The following LRRTM4 variants were observed in gnomAD, a reference collection of about 807,000 sequenced individuals.
The protein encoded by LRRTM4 is leucine rich repeat transmembrane neuronal 4, also known as leucine-rich repeat transmembrane neuronal protein 4.
LRRTM4 carries 25 observed loss-of-function variants against 47.6 expected under a neutral mutation model. That is an observed-to-expected ratio of 0.53 (90% CI 0.38 to 0.73). The LOEUF (loss-of-function observed/expected upper bound fraction) is 0.73. Ranked by LOEUF, LRRTM4 falls within the 30% of genes least tolerant of loss-of-function variation. The pLI, the probability that LRRTM4 is intolerant of heterozygous loss-of-function variation, is 0.00. For missense variants in LRRTM4, 638 were observed against 713.4 expected, an observed-to-expected ratio of 0.89 and a Z score of 1.20; for synonymous variants, 311 against 269.5, an observed-to-expected ratio of 1.15 and a Z score of -1.51.
At chr2:76,812,412 G>T (rs1410805720) in intron 3 of LRRTM4, among the ~76,000 whole-genome samples, 1 of 152,298 alleles carries the variant, frequency 6.6e-6, no homozygotes, top group East Asian at 1.9e-4. Context: ...AATGCTGATA[G>T]GTGTAATGGC....
At chr2:77,429,129 A>C (rs1322924135) in intron 3 of LRRTM4, among the ~76,000 whole-genome samples, 2 of 152,204 alleles carry the variant, frequency 1.3e-5, no homozygotes, top group African/African-American at 4.8e-5. Context: ...GTGGGAGTAA[A>C]GTGCAGGAAG....
intron 3 of LRRTM4, among the ~76,000 whole-genome samples, chr2:76,992,748 A>AT (rs1420261509): frequency 6.6e-6 from 1 of 151,386 alleles, no homozygotes; most frequent in South Asian, 2.1e-4. Context: ...TATCGGTGTC[A>AT]TTTTTTATAG....
rs150790394 is a variant in LRRTM4 at position 77,497,246 on chromosome 2, A to G, written c.1551+21072T>C. 6.7e-3 allele frequency among the ~76,000 whole-genome samples: 1,011 copies of G among 151,710 alleles called. 5 individuals are homozygous for G. The highest frequency in any genetic ancestry group is 0.013 in the East Asian group (68 of 5,168). On this transcript the variant is annotated intron_variant, in intron 3 of 3. Coordinates refer to ENST00000409884, the MANE Select transcript of LRRTM4 (RefSeq NM_001134745.3). Reference sequence around the variant, plus strand: ...GTTGTATTGCTTTTCTTAAAGAATCAGCTTTTAGTTTCATTAATTTTCTTT... The same window carrying G: ...GTTGTATTGCTTTTCTTAAAGAATCGGCTTTTAGTTTCATTAATTTTCTTT...
At position 77,318,163 on chromosome 2, in the gene LRRTM4, C is replaced by T. The variant is rs375103618; in HGVS notation, c.1551+200155G>A. ...CTGGGACTACAGGCGCCCGCCACCA[C>T]GCCCCGCTAATTTTTTGTATTTTTA... On this transcript the variant is annotated intron_variant, in intron 3 of 3. Coordinates refer to ENST00000409884, the MANE Select transcript of LRRTM4 (RefSeq NM_001134745.3). Among the ~76,000 whole-genome samples, 112 of 151,928 alleles carry T rather than the reference C, an allele frequency of 7.4e-4. No homozygotes were observed. The East Asian group carries it at 7.8e-3, about 11-fold the overall frequency.
At chr2:76,904,314 C>G (rs569090631) in intron 3 of LRRTM4, among the ~76,000 whole-genome samples, 57 of 152,146 alleles carry the variant, frequency 3.7e-4, no homozygotes, top group Non-Finnish European at 7.9e-4. Context: ...AATGAACAAC[C>G]TTTACTGACC....
intron 3 of LRRTM4, among the ~76,000 whole-genome samples, chr2:76,990,904 G>T (rs1210442627): frequency 6.6e-6 from 1 of 151,544 alleles, no homozygotes; most frequent in Non-Finnish European, 1.5e-5. Flanking sequence ...TGGCTATAAA[G>T]CATGTCTCAG....
intron 3 of LRRTM4, among the ~76,000 whole-genome samples, chr2:76,800,833 G>A (rs539021123): frequency 6.7e-6 from 1 of 149,562 alleles, no homozygotes; most frequent in African/African-American, 2.5e-5. Flanking sequence ...CATTTATGCA[G>A]CCAAAAAACA....
At position 77,201,110 on chromosome 2, in the gene LRRTM4, C is replaced by T. The variant is rs187262852; in HGVS notation, c.1551+317208G>A. On this transcript the variant is annotated intron_variant, in intron 3 of 3. Transcript: ENST00000409884. ...CCTTTATACTGTCATGACTTAGAAT[C>T]AATGAGTTAAAAAATAGGAAATATT... Among the ~76,000 whole-genome samples, 3 of 151,992 alleles carry T rather than the reference C, an allele frequency of 2.0e-5. No individual in the cohort carries two copies. In the East Asian group the frequency reaches 5.8e-4, roughly 29 times the overall value.
chr2:77,323,166 A>C (rs566901512), intron 3 of LRRTM4, among the ~76,000 whole-genome samples: 30 of 152,200 alleles, frequency 2.0e-4, no homozygotes, highest in South Asian at 4.2e-4. Flanking sequence ...CCTAATTGTC[A>C]TATGACAATC....
intron 3 of LRRTM4, among the ~76,000 whole-genome samples, chr2:76,878,501 C>G (rs919266509): frequency 2.4e-4 from 36 of 149,242 alleles, no homozygotes; most frequent in Non-Finnish European, 1.9e-4. Flanking sequence ...ATCCCAGTTG[C>G]AAATGGAAAA....
At chr2:77,079,816 A>T (rs1558567445) in intron 3 of LRRTM4, among the ~76,000 whole-genome samples, 2 of 151,972 alleles carry the variant, frequency 1.3e-5, no homozygotes, top group Non-Finnish European at 2.9e-5. Context: ...TTTTATTTCT[A>T]ATTTCTATTC....
At chr2:77,018,238 G>T (rs1274920664) in intron 3 of LRRTM4, among the ~76,000 whole-genome samples, 5 of 108,902 alleles carry the variant, frequency 4.6e-5, no homozygotes, top group Admixed American at 9.4e-5. Context: ...ACTTAACCAT[G>T]TAATGCTAAG....
intron 3 of LRRTM4, among the ~76,000 whole-genome samples, chr2:77,038,193 T>TG (rs2104165514): frequency 6.6e-6 from 1 of 151,720 alleles, no homozygotes; most frequent in South Asian, 2.1e-4. Flanking sequence ...ATCCTTACTA[T>TG]GGTTTTCATT....
chr2:77,206,047 G>T (rs1674116341), intron 3 of LRRTM4, among the ~76,000 whole-genome samples: 1 of 151,962 alleles, frequency 6.6e-6, no homozygotes, highest in Non-Finnish European at 1.5e-5. Flanking sequence ...TCACTATGTT[G>T]CCCAGGCTGT....
chr2:77,292,510 T>C (rs926005688), intron 3 of LRRTM4, among the ~76,000 whole-genome samples: 1 of 152,010 alleles, frequency 6.6e-6, no homozygotes, highest in Admixed American at 6.6e-5. Flanking sequence ...TGGAATACTA[T>C]GCAGCCATAA....
intron 3 of LRRTM4, among the ~76,000 whole-genome samples, chr2:77,304,885 C>T (rs1013604057): frequency 2.6e-5 from 4 of 151,862 alleles, no homozygotes; most frequent in Non-Finnish European, 5.9e-5. Flanking sequence ...TTTCTGAGTC[C>T]AAAACTTCTT....
intron 3 of LRRTM4, among the ~76,000 whole-genome samples, chr2:76,881,390 T>G (rs547730562): frequency 6.6e-6 from 1 of 150,444 alleles, no homozygotes; most frequent in South Asian, 2.1e-4. Context: ...TTCACTTACA[T>G]TCATAATGAT....
In LRRTM4 at chr2:76,748,903, A is replaced by T; in HGVS notation, c.1565T>A (p.Met522Lys). ...GSRECEMPHH[M>K]KPLPYYSYDQ... ...ATAGCTGTAATATGGCAAGGGCTTC[A>T]TGTGGTGTGGCATCTGGATATGAGA... The change falls in exon 4 of 4, where the codon ATG (methionine) becomes AAG (lysine). Residue 522 changes from methionine (M) to lysine (K), a missense_variant. By Grantham distance (95) the Met-to-Lys change is moderately conservative. Coordinates refer to ENST00000409884, the MANE Select transcript of LRRTM4 (RefSeq NM_001134745.3). 1 of 1,613,908 alleles carries T rather than the reference A, an allele frequency of 6.2e-7. No individual in the cohort carries two copies. The highest frequency in any genetic ancestry group is 2.2e-5 in the East Asian group (1 of 44,880).
chr2:77,009,091 G>C (rs999972840), intron 3 of LRRTM4: 2 of 152,028 alleles, frequency 1.3e-5, no homozygotes, highest in African/African-American at 4.8e-5. Context: ...ACACCATCAT[G>C]AGAATTGGCA....
Sources: allele counts gnomAD v4.1 joint callset (sites outside exome capture counted in the v4.1 genomes callset), GRCh38; gene constraint gnomAD v4.1.1; transcripts MANE v1.5; gene names NCBI Gene and HGNC (gene_info 2026-07-23, HGNC 2026-07-21).